Variants in SREK1IP1 observed in about 807,000 individuals in gnomAD.
SREK1IP1 encodes the protein SREK1 interacting protein 1, also known as protein SREK1IP1.
A neutral mutation model predicts 22.8 loss-of-function variants in SREK1IP1; 12 were observed. The ratio of observed to expected loss-of-function variants is 0.53; its 90% CI spans 0.34 to 0.85. The LOEUF is 0.85. Among genes scored for constraint, SREK1IP1 ranks in the 40% least tolerant of loss-of-function variants. SREK1IP1 has a pLI of 0.02. For missense variants in SREK1IP1, 147 were observed against 171.8 expected (o/e 0.86, Z 0.81); for synonymous variants, 53 against 52.7 (o/e 1.01, Z -0.02).
At chr5:64,735,031 A>G (rs1395365052) in intron 3 of SREK1IP1, among the ~76,000 whole-genome samples, 1 of 152,160 alleles carries the variant, frequency 6.6e-6, no homozygotes, top group East Asian at 1.9e-4. Context: ...AGTATGATGT[A>G]ACATTTTGGT....
chr5:64,768,184 A>T (rs1743090445), intron 1 of SREK1IP1, among the ~76,000 whole-genome samples: 1 of 152,004 alleles, frequency 6.6e-6, no homozygotes, highest in Admixed American at 6.6e-5. Context: ...GCCATACCAC[A>T]GTTAAGGTAG....
Position 64,728,107 on chromosome 5 carries a change from CT to C in SREK1IP1, c.277del (p.Arg93GlyfsTer65). The C allele has an allele frequency of 1.5e-6, 2 of 1,370,428 alleles. No individual in the cohort carries two copies. Among genetic ancestry groups the C allele is most frequent in the Non-Finnish European group, 1.9e-6 (2 of 1,053,624 alleles). 84.9% of individuals were successfully genotyped at this position (1,370,428 alleles called of 1,614,324 possible). On this transcript the variant is annotated frameshift_variant and splice_region_variant, in exon 4 of 5. Coordinates refer to ENST00000513458, the MANE Select transcript of SREK1IP1 (RefSeq NM_173829.4). LOFTEE classifies it high-confidence loss of function. ...TTTTAAAATGTTGTTCAAAAAATAC[CT>C]TTTCCTTTTTTTTTTCAATTTGATT... ...EKIKLKKKRKRSYSSSSTEED... is the reference protein window; with the variant it reads ...EKIKLKKKRKXSYSSSSTEED...
Position 64,722,160 on chromosome 5 carries a change from C to G in SREK1IP1, c.*2224G>C, listed in dbSNP as rs1381991526. ...ATAAATTTTTATTCAATTTCATAAA[C>G]TATGCTAAAATTATGGGAAATTTAC... On this transcript the variant is annotated 3_prime_UTR_variant, in exon 5 of 5. Coordinates refer to ENST00000513458, the MANE Select transcript of SREK1IP1 (RefSeq NM_173829.4). 2 of 152,082 alleles carry G rather than the reference C, an allele frequency of 1.3e-5. No individual in the cohort carries two copies. Among genetic ancestry groups the G allele is most frequent in the Non-Finnish European group, 2.9e-5 (2 of 68,002 alleles). The allele number at this position is 152,082 out of a possible 1,614,324, so 9.4% of individuals were successfully genotyped here.
At chr5:64,752,148 T>TTTC (rs1742756232) in intron 2 of SREK1IP1, among the ~76,000 whole-genome samples, 1 of 133,136 alleles carries the variant, frequency 7.5e-6, no homozygotes. Context: ...TTTTGTGTGT[T>TTTC]TTTTTTTTTT....
intron 1 of SREK1IP1, among the ~76,000 whole-genome samples, chr5:64,755,338 A>G (rs1015157348): frequency 2.6e-5 from 4 of 152,252 alleles, no homozygotes; most frequent in Non-Finnish European, 4.4e-5. Flanking sequence ...TGGATTAAAG[A>G]AAATGCACTA....
At chr5:64,730,468 A>G (rs546048712) in intron 3 of SREK1IP1, among the ~76,000 whole-genome samples, 1 of 152,312 alleles carries the variant, frequency 6.6e-6, no homozygotes, top group African/African-American at 2.4e-5. Flanking sequence ...ATGATGACGC[A>G]GAGAGGGGAT....
intron 2 of SREK1IP1, among the ~76,000 whole-genome samples, chr5:64,748,666 A>G (rs1281432603): frequency 6.6e-6 from 1 of 152,200 alleles, no homozygotes; most frequent in African/African-American, 2.4e-5. Context: ...GATTTACTGA[A>G]GCCAGTCATT....
Position 64,724,393 on chromosome 5 carries a change from G to A in SREK1IP1, c.459C>T (p.Ser153=), listed in dbSNP as rs1329600829. ...TAAGCCAAAGTCTCAGTTACTTTCT[G>A]GAGAATTCAGAACTATTAGGTGTAG... is the stretch of plus-strand genomic sequence containing the variant. ...HSSTPNSSEF[S]RK The change falls in exon 5 of 5, where the codon TCC becomes TCT. Residue 153 remains serine, a synonymous_variant. Coordinates refer to ENST00000513458, the MANE Select transcript of SREK1IP1 (RefSeq NM_173829.4). 4.6e-6 allele frequency: 7 copies of A among 1,538,404 alleles called. No individual in the cohort carries two copies. Among genetic ancestry groups the A allele is most frequent in the South Asian group, 1.3e-5 (1 of 75,902 alleles).
At chr5:64,734,518 G>A (rs369374119) in intron 3 of SREK1IP1, among the ~76,000 whole-genome samples, 8 of 151,864 alleles carry the variant, frequency 5.3e-5, no homozygotes, top group African/African-American at 1.7e-4. Context: ...TCTGCTTGGG[G>A]AGAAGTTACA....
At chr5:64,745,554 A>C (rs1194514063) in intron 2 of SREK1IP1, among the ~76,000 whole-genome samples, 1 of 151,132 alleles carries the variant, frequency 6.6e-6, no homozygotes, top group Non-Finnish European at 1.5e-5. Flanking sequence ...GTGCCACTGC[A>C]CTCCAGCCTG....
intron 4 of SREK1IP1, 180 bp downstream of exon 4, chr5:64,727,927 G>C (rs891703426): frequency 4.0e-6 from 2 of 501,204 alleles, no homozygotes; most frequent in Non-Finnish European, 5.6e-6. Flanking sequence ...AAATATTTTA[G>C]TCAATTTCAT....
In SREK1IP1 at chr5:64,722,797, T is replaced by A. The variant is rs1007265157; in HGVS notation, c.*1587A>T. 1 of 152,208 alleles carries A rather than the reference T, an allele frequency of 6.6e-6. No homozygotes were observed. Among genetic ancestry groups the A allele is most frequent in the Non-Finnish European group, 1.5e-5 (1 of 68,026 alleles). The allele number at this position is 152,208 out of a possible 1,614,324, so 9.4% of individuals were successfully genotyped here. ...TGGCTGCAATGCAGAGGGCTGTGGA[T>A]ACAGCTTCCCTAGAATTTAAGCATG... On this transcript the variant is annotated 3_prime_UTR_variant, in exon 5 of 5. Coordinates refer to ENST00000513458, the MANE Select transcript of SREK1IP1 (RefSeq NM_173829.4).
intron 2 of SREK1IP1, among the ~76,000 whole-genome samples, chr5:64,750,068 C>CAG: frequency 6.6e-6 from 1 of 152,260 alleles, no homozygotes; most frequent in African/African-American, 2.4e-5. Flanking sequence ...GGCTCATACT[C>CAG]TAACTCTTTA....
At chr5:64,755,389 G>A (rs562475404) in intron 1 of SREK1IP1, among the ~76,000 whole-genome samples, 40 of 152,170 alleles carry the variant, frequency 2.6e-4, no homozygotes, top group African/African-American at 8.4e-4. Context: ...AAAAAAGAAC[G>A]AAATTACATC....
At position 64,760,908 on chromosome 5, in the gene SREK1IP1, C is replaced by T. The variant is rs17193891; in HGVS notation, c.14-6546G>A. Among the ~76,000 whole-genome samples the T allele has an allele frequency of 5.7e-3, 868 of 152,288 alleles. 9 individuals are homozygous for T. The highest frequency in any genetic ancestry group is 0.016 in the African/African-American group (683 of 41,552). On this transcript the variant is annotated intron_variant, in intron 1 of 4. Transcript: ENST00000513458. The stretch of plus-strand genomic sequence containing the variant: ...TGAGTAAGAGACATGTCACTATATA[C>T]CTTTTGGCAGTTTTAAAATGTGAAA...
chr5:64,746,073 T>C (rs548665724), intron 2 of SREK1IP1, among the ~76,000 whole-genome samples: 1 of 152,308 alleles, frequency 6.6e-6, no homozygotes, highest in African/African-American at 2.4e-5. Context: ...AACCCACATA[T>C]ACATAGCGAA....
At chr5:64,760,725 G>A (rs1040237549) in intron 1 of SREK1IP1, among the ~76,000 whole-genome samples, 35 of 152,106 alleles carry the variant, frequency 2.3e-4, no homozygotes, top group African/African-American at 7.7e-4. Flanking sequence ...CACCTCTCAC[G>A]TTTGTTTTCT....
intron 2 of SREK1IP1, among the ~76,000 whole-genome samples, chr5:64,744,996 T>C (rs275820): frequency 6.6e-6 from 1 of 151,910 alleles, no homozygotes; most frequent in Admixed American, 6.5e-5. Flanking sequence ...CTGACTTTAC[T>C]TGAGGGGCTC....
chr5:64,758,967 C>T (rs1213303433), intron 1 of SREK1IP1, among the ~76,000 whole-genome samples: 1 of 152,206 alleles, frequency 6.6e-6, no homozygotes, highest in Non-Finnish European at 1.5e-5. Flanking sequence ...GTCTGGGCAA[C>T]TGAATGCTTC....
Sources: gnomAD v4.1 joint callset for allele counts (sites outside exome capture counted in the v4.1 genomes callset) on GRCh38, gnomAD v4.1.1 for gene constraint, MANE v1.5 for transcripts, NCBI Gene and HGNC (gene_info 2026-07-23, HGNC 2026-07-21) for gene names.